Variants in MMP26 observed in about 807,000 individuals in gnomAD.
MMP26 encodes the protein matrix metallopeptidase 26.
Under a neutral mutation model 31.0 loss-of-function variants are expected in MMP26, and 33 were observed. The observed-to-expected ratio is 1.06, with a 90% CI of 0.81 to 1.42. The LOEUF is 1.42. Ranked by LOEUF, MMP26 falls within the 40% of genes most tolerant of loss-of-function variation. The pLI is 0.00. For synonymous variants in MMP26, 122 were observed against 114.9 expected (o/e 1.06, Z -0.40); for missense variants, 347 against 316.1 (o/e 1.10, Z -0.74).
At chr11:4,903,425 G>A (rs967425505) in intron 2 of MMP26, among the ~76,000 whole-genome samples, 7 of 152,150 alleles carry the variant, frequency 4.6e-5, no homozygotes, top group African/African-American at 1.7e-4. Context: ...ATTAAGCTAA[G>A]ATGAAGAACG....
intron 1 of MMP26, chr11:4,723,714 A>C (rs573026322): frequency 9.6e-7 from 1 of 1,046,428 alleles, no homozygotes; most frequent in South Asian, 1.3e-5. Flanking sequence ...CCTGGCCCAG[A>C]GTGTCCAGTT....
At chr11:4,874,817 T>A (rs754875777) in intron 2 of MMP26, among the ~76,000 whole-genome samples, 1 of 152,120 alleles carries the variant, frequency 6.6e-6, no homozygotes, top group Non-Finnish European at 1.5e-5. Context: ...AAGATTTTAA[T>A]CTTGATCTTT....
chr11:4,831,402 C>A (rs1239801383), intron 2 of MMP26, among the ~76,000 whole-genome samples: 1 of 152,186 alleles, frequency 6.6e-6, no homozygotes, highest in East Asian at 1.9e-4. Flanking sequence ...ACTTGAAGAT[C>A]TCTCTGAGGT....
intron 2 of MMP26, chr11:4,804,193 T>C: frequency 3.1e-6 from 5 of 1,613,942 alleles, no homozygotes; most frequent in Non-Finnish European, 4.2e-6. Context: ...CAGAAAGAGG[T>C]ACATGGGCTC....
At chr11:4,970,919 C>T (rs1014909335) in intron 2 of MMP26, among the ~76,000 whole-genome samples, 1 of 152,124 alleles carries the variant, frequency 6.6e-6, no homozygotes, top group Non-Finnish European at 1.5e-5. Flanking sequence ...CATGATGCAA[C>T]AGCATGCGGC....
intron 1 of MMP26, among the ~76,000 whole-genome samples, chr11:4,732,711 T>A (rs1268545248): frequency 6.6e-6 from 1 of 152,230 alleles, no homozygotes; most frequent in Admixed American, 6.5e-5. Flanking sequence ...AATTGAATCA[T>A]ACAATATTGG....
intron 2 of MMP26, among the ~76,000 whole-genome samples, chr11:4,912,423 C>G (rs552499133): frequency 1.3e-5 from 2 of 152,248 alleles, no homozygotes; most frequent in South Asian, 2.1e-4. Context: ...AAGTGCACAT[C>G]ACAGAGAGAA....
intron 1 of MMP26, among the ~76,000 whole-genome samples, chr11:4,739,528 A>C (rs953672960): frequency 6.6e-6 from 1 of 152,184 alleles, no homozygotes; most frequent in African/African-American, 2.4e-5. Flanking sequence ...ATTGGCTAGA[A>C]TCCCACTGGT....
intron 2 of MMP26, chr11:4,923,511 A>G (rs1851215985): frequency 4.3e-6 from 7 of 1,614,196 alleles, no homozygotes; most frequent in Non-Finnish European, 5.1e-6. Flanking sequence ...TAGGACATGA[A>G]GAGGTGTACA....
chr11:4,961,742 G>A (rs1282684149), intron 2 of MMP26, among the ~76,000 whole-genome samples: 1 of 152,062 alleles, frequency 6.6e-6, no homozygotes, highest in African/African-American at 2.4e-5. Context: ...AATTTTTGAG[G>A]TTTTAGATTT....
At chr11:4,860,499 C>A (rs925229755) in intron 2 of MMP26, 1 of 470,886 alleles carries the variant, frequency 2.1e-6, no homozygotes, top group Non-Finnish European at 4.4e-6. Flanking sequence ...TCTTGTCTGG[C>A]GTTCCTGGGA....
chr11:4,958,032 C>T (rs1399210046), intron 2 of MMP26, among the ~76,000 whole-genome samples: 1 of 152,118 alleles, frequency 6.6e-6, no homozygotes. Context: ...ACTCCAAGGC[C>T]AGAATTCACT....
intron 2 of MMP26, among the ~76,000 whole-genome samples, chr11:4,930,636 G>C (rs1416943743): frequency 2.0e-5 from 3 of 151,936 alleles, no homozygotes; most frequent in Non-Finnish European, 4.4e-5. Flanking sequence ...TTTAATCAAA[G>C]TATTGAAAAG....
intron 2 of MMP26, among the ~76,000 whole-genome samples, chr11:4,834,003 A>G (rs1366353140): frequency 6.6e-6 from 1 of 152,156 alleles, no homozygotes; most frequent in African/African-American, 2.4e-5. Context: ...TGCTTGGTAG[A>G]TCTATTAATA....
intron 2 of MMP26, among the ~76,000 whole-genome samples, chr11:4,813,534 A>C (rs1368596292): frequency 1.3e-5 from 2 of 152,162 alleles, no homozygotes; most frequent in African/African-American, 4.8e-5. Flanking sequence ...GCCAGTAATC[A>C]ATTTTCAATA....
chr11:4,807,144 A>C (rs577686303), intron 2 of MMP26, among the ~76,000 whole-genome samples: 1 of 152,292 alleles, frequency 6.6e-6, no homozygotes, highest in East Asian at 1.9e-4. Flanking sequence ...TTACGTGTGC[A>C]TGTGTCTTTA....
chr11:4,765,785 GT>G (rs1679246098), intron 1 of MMP26, among the ~76,000 whole-genome samples: 1 of 152,182 alleles, frequency 6.6e-6, no homozygotes, highest in South Asian at 2.1e-4. Context: ...TCTGAACGAT[GT>G]GTCCTCTGTG....
chr11:4,783,856 C>A (rs1848898885), intron 2 of MMP26, among the ~76,000 whole-genome samples: 1 of 152,158 alleles, frequency 6.6e-6, no homozygotes. Context: ...TGCTGCCATC[C>A]ATGTAAGATG....
intron 2 of MMP26, among the ~76,000 whole-genome samples, chr11:4,964,297 AG>A (rs1846560705): frequency 6.6e-6 from 1 of 152,102 alleles, no homozygotes; most frequent in African/African-American, 2.4e-5. Context: ...ATATGGTGTA[AG>A]GGGGACTTCC....
Sources: allele counts gnomAD v4.1 joint callset (sites outside exome capture counted in the v4.1 genomes callset), GRCh38; gene constraint gnomAD v4.1.1; transcripts MANE v1.5; gene names NCBI Gene and HGNC (gene_info 2026-07-23, HGNC 2026-07-21).